Variants in NEU4 observed in about 807,000 individuals in gnomAD.
NEU4 encodes the protein sialidase-4.
Under a neutral mutation model 9.9 loss-of-function variants are expected in NEU4, and 7 were observed. That is an observed-to-expected ratio of 0.71 (90% CI 0.40 to 1.33). NEU4 has a LOEUF of 1.33. NEU4 is among the 40% of genes most tolerant of loss of function. NEU4 has a pLI of 0.01. For missense variants in NEU4, 717 were observed against 712.6 expected, an observed-to-expected ratio of 1.01 and a Z score of -0.07; for synonymous variants, 348 against 316.9, an observed-to-expected ratio of 1.10 and a Z score of -1.04.
At chr2:241,815,986 C>T in intron 3 of NEU4, 65 bp from the exon 4 acceptor site, 1 of 1,469,218 alleles carries the variant, frequency 6.8e-7, no homozygotes, top group Non-Finnish European at 9.1e-7. Flanking sequence ...CCCCCTGTGC[C>T]TTCCTCCAGC....
Position 241,816,870 on chromosome 2 carries a change from G to A in NEU4, c.1277G>A (p.Gly426Glu), listed in dbSNP as rs1255898484. The change falls in exon 4 of 4, where the codon GGG becomes GAG. Residue 426 changes from glycine (G) to glutamate (E), a missense_variant. Gly to Glu is a moderately conservative substitution (Grantham distance 98). Coordinates refer to ENST00000407683, the MANE Select transcript of NEU4 (RefSeq NM_001167600.3). ...GGCTACTCCGACCTGGCGTCCATCG[G>A]GCCGGCCCCTGAGGGGGGCCTGGTT... ...PSGYSDLASI[G>E]PAPEGGLVFA... 6.2e-7 allele frequency: 1 copy of A among 1,612,578 alleles called. No homozygotes were observed. Among genetic ancestry groups the A allele is most frequent in the South Asian group, 1.1e-5 (1 of 91,066 alleles).
At chr2:241,809,658 A>T (rs1700051206) in intron 1 of NEU4, 1 of 216,698 alleles carries the variant, frequency 4.6e-6, no homozygotes, top group Middle Eastern at 1.8e-3. Flanking sequence ...CGTGGCTGTC[A>T]TATACCCTGG....
At chr2:241,815,612 T>C in intron 3 of NEU4, 1 of 488,228 alleles carries the variant, frequency 2.0e-6, no homozygotes, top group Non-Finnish European at 4.1e-6. Flanking sequence ...CCCTTCCTCT[T>C]ATTCTTTACT....
At chr2:241,812,798 C>T (rs929769293) in intron 1 of NEU4, among the ~76,000 whole-genome samples, 1 of 150,162 alleles carries the variant, frequency 6.7e-6, no homozygotes, top group African/African-American at 2.4e-5. Context: ...GAGTCTCCTC[C>T]TCTCCCTCTC....
At position 241,814,701 on chromosome 2, in the gene NEU4, GGGGCTCT is replaced by G; in HGVS notation, c.201+18_201+24del. On this transcript the variant is annotated intron_variant, in intron 2 of 3. Transcript: ENST00000407683. ...CTCCGTGCGGGTGAGTGAGTGGCCG[GGGGCTCT>G]GTGTGGGTGTAGTGGCCGGATCTGC... 6.5e-7 allele frequency: 1 copy of G among 1,537,906 alleles called. No homozygotes were observed. Among genetic ancestry groups the G allele is most frequent in the Non-Finnish European group, 8.7e-7 (1 of 1,144,956 alleles).
rs201322732 is a variant in NEU4 at position 241,816,922 on chromosome 2, C to T, written c.1329C>T (p.Ala443=). Residue 443 remains alanine, a synonymous_variant, in exon 4 of 4, where the codon GCC becomes GCT. Coordinates refer to ENST00000407683, the MANE Select transcript of NEU4 (RefSeq NM_001167600.3). ...LVFACLYESG[A]RTSYDEISFC... ...TTGCCTGCCTGTACGAGAGCGGGGC[C>T]AGGACCTCCTATGATGAGATTTCCT... The T allele has an allele frequency of 6.2e-7, 1 of 1,612,918 alleles. No homozygotes were observed. Among genetic ancestry groups the T allele is most frequent in the East Asian group, 2.2e-5 (1 of 44,862 alleles).
chr2:241,814,906 C>G lies in NEU4; in HGVS notation c.216C>G (p.His72Gln), dbSNP rs139056346. 6 of 1,610,256 alleles carry G rather than the reference C, an allele frequency of 3.7e-6. No homozygotes were observed. Among genetic ancestry groups the G allele is most frequent in the Admixed American group, 3.3e-5 (2 of 59,888 alleles). Residue 72 changes from histidine (H) to glutamine (Q), a missense_variant, in exon 3 of 4, where the codon CAC becomes CAG. Transcript: ENST00000407683. ...AGGSVRWGALHVLGTAALAEH... is the reference protein window; with the variant it reads ...AGGSVRWGALQVLGTAALAEH... Reference sequence around the variant, plus strand: ...CCTCTGGGCAGTGGGGTGCCCTGCACGTGCTGGGGACAGCAGCCCTGGCGG... The same window carrying G: ...CCTCTGGGCAGTGGGGTGCCCTGCAGGTGCTGGGGACAGCAGCCCTGGCGG...
intron 3 of NEU4, chr2:241,815,687 T>A: frequency 2.0e-6 from 1 of 509,232 alleles, no homozygotes; most frequent in East Asian, 4.2e-5. Flanking sequence ...CCCCATCCTC[T>A]GTGGCCACCT....
chr2:241,816,268 GGCA>G lies in NEU4; in HGVS notation c.678_680del (p.Ala227del), dbSNP rs1332339536. ...ACCTGCGCTCAGGCGAGTGCCAGCT[GGCA>G]GCGGTGGACGGTGGGCAGGCCGGCA... On this transcript the variant is annotated inframe_deletion, in exon 4 of 4. Coordinates refer to ENST00000407683, the MANE Select transcript of NEU4 (RefSeq NM_001167600.3). 7 of 1,594,546 alleles carry G rather than the reference GGCA, an allele frequency of 4.4e-6. No individual in the cohort carries two copies. In the Admixed American group the frequency reaches 8.7e-5, roughly 20 times the overall value.
intron 1 of NEU4, chr2:241,811,500 C>T: frequency 6.8e-7 from 1 of 1,477,288 alleles, no homozygotes; most frequent in Non-Finnish European, 9.1e-7. Flanking sequence ...ACCCTCACCC[C>T]TCTACCCGGG....
Position 241,815,074 on chromosome 2 carries a change from C to A in NEU4, c.384C>A (p.Ala128=). The change falls in exon 3 of 4, where the codon GCC becomes GCA. Residue 128 remains alanine, a synonymous_variant. Coordinates refer to ENST00000407683, the MANE Select transcript of NEU4 (RefSeq NM_001167600.3). The part of the protein sequence containing the change: ...GRNAARLCCV[A]SRDAGLSWGS... ...ACGCCGCGCGCCTCTGCTGTGTGGC[C>A]AGCCGTGACGCCGGCCTCTCGTGGG... 6.3e-7 allele frequency: 1 copy of A among 1,580,912 alleles called. No individual in the cohort carries two copies. The highest frequency in any genetic ancestry group is 8.5e-7 in the Non-Finnish European group (1 of 1,170,124).
intron 1 of NEU4, chr2:241,811,212 C>A (rs3749157): frequency 0.59 from 733,545 of 1,238,964 alleles, 223,631 homozygotes; most frequent in Non-Finnish European, 0.63. Flanking sequence ...TGTTGAGTGC[C>A]TTGACCTGCA....
rs755347890 is a variant in NEU4 at position 241,809,441 on chromosome 2, G to A, written c.-4+167G>A. 3.2e-5 allele frequency: 12 copies of A among 370,164 alleles called. 1 individual carries two copies. Among genetic ancestry groups the A allele is most frequent in the Non-Finnish European group, 5.8e-5 (11 of 189,244 alleles). 22.9% of individuals were successfully genotyped at this position (370,164 alleles called of 1,614,324 possible). On this transcript the variant is annotated intron_variant, in intron 1 of 3. Transcript: ENST00000407683. ...CATAAAAGGGGGACACAGAGTAGCC[G>A]AAACTGCTCTTGGGGGAGGGGGCAC...
At chr2:241,814,161 C>G in intron 1 of NEU4, 2 of 650,026 alleles carry the variant, frequency 3.1e-6, no homozygotes, top group Non-Finnish European at 5.8e-6. Flanking sequence ...CCCGGGGGCT[C>G]TCTGGCCAGC....
At chr2:241,815,276 T>C in intron 3 of NEU4, 129 bp downstream of exon 3, 1 of 1,230,478 alleles carries the variant, frequency 8.1e-7, no homozygotes, top group Non-Finnish European at 1.1e-6. Context: ...ACCATCCCTT[T>C]CCCCAGGACT....
At chr2:241,815,374 T>TCCTGAGCCTCCCGTCCCAGACAAATCCC in intron 3 of NEU4, 1 of 569,092 alleles carries the variant, frequency 1.8e-6, no homozygotes, top group Non-Finnish European at 3.1e-6. Context: ...CCCAGGACTG[T>TCCTGAGCCTCCCGTCCCAGACAAATCCC]TCTGCGCCTC....
intron 1 of NEU4, among the ~76,000 whole-genome samples, chr2:241,812,729 C>T (rs918696588): frequency 5.4e-5 from 8 of 146,864 alleles, no homozygotes; most frequent in African/African-American, 1.8e-4. Context: ...CAGCCTTGTC[C>T]TCTCTGTGGG....
Position 241,816,386 on chromosome 2 carries a change from C to T in NEU4, c.793C>T (p.Arg265Cys), listed in dbSNP as rs761329221. 3.5e-5 allele frequency: 56 copies of T among 1,597,702 alleles called. No individual in the cohort carries two copies. Among genetic ancestry groups the T allele is most frequent in the Middle Eastern group, 3.3e-4 (2 of 6,062 alleles). ...DEGTSFLPAE[R>C]VASLPETAWG... ...GGGCACCTCCTTCCTGCCCGCAGAG[C>T]GCGTGGCTTCCCTGCCCGAGACTGC... The change falls in exon 4 of 4, where the codon CGC becomes TGC. Residue 265 changes from arginine to cysteine, a missense_variant. Coordinates refer to ENST00000407683, the MANE Select transcript of NEU4 (RefSeq NM_001167600.3).
In NEU4 at chr2:241,816,740, C is replaced by A; in HGVS notation, c.1147C>A (p.Pro383Thr). The A allele has an allele frequency of 6.4e-7, 1 of 1,567,202 alleles. No individual in the cohort carries two copies. Among genetic ancestry groups the A allele is most frequent in the Non-Finnish European group, 8.6e-7 (1 of 1,157,566 alleles). ...QSPTWLLYSHPVGRRARLHMG... is the reference protein window; with the variant it reads ...QSPTWLLYSHTVGRRARLHMG... ...CCCCACGTGGCTGCTGTACTCCCAC[C>A]CAGTGGGGCGCAGGGCTCGGCTACA... Residue 383 changes from proline to threonine, a missense_variant, in exon 4 of 4, where the codon CCA becomes ACA. Transcript: ENST00000407683.
Sources: gnomAD v4.1 joint callset for allele counts (sites outside exome capture counted in the v4.1 genomes callset) on GRCh38, gnomAD v4.1.1 for gene constraint, MANE v1.5 for transcripts, NCBI Gene and HGNC (gene_info 2026-07-23, HGNC 2026-07-21) for gene names.